The following PLXNB2 variants were observed in gnomAD, a reference collection of about 807,000 sequenced individuals.
PLXNB2 encodes the protein plexin B2.
Under a neutral mutation model 202.6 loss-of-function variants are expected in PLXNB2, and 85 were observed. The observed-to-expected ratio is 0.42, with a 90% CI of 0.35 to 0.50. The LOEUF (loss-of-function observed/expected upper bound fraction) is 0.50, where lower values mean the gene tolerates loss of function less well. Among genes scored for constraint, PLXNB2 ranks in the 20% least tolerant of loss-of-function variants. PLXNB2 has a pLI of 0.02. For missense variants in PLXNB2, 2,063 were observed against 2,586.2 expected, an observed-to-expected ratio of 0.80 and a Z score of 4.39; for synonymous variants, 1,239 against 1,137.6, an observed-to-expected ratio of 1.09 and a Z score of -1.79.
In PLXNB2 at chr22:50,276,694, C is replaced by T. The variant is rs887763291; in HGVS notation, c.5272G>A (p.Gly1758Arg). 9.9e-6 allele frequency: 16 copies of T among 1,613,596 alleles called. No homozygotes were observed. The highest frequency in any genetic ancestry group is 1.4e-5 in the Non-Finnish European group (16 of 1,179,824). ...CTGACCTGCACCATCTGCCGGATCC[C>T]CTTGTAGTAACTGCAGGGGTGGGAG... ...YKKMVEDYYK[G>R]IRQMVQVSDQ... Residue 1758 changes from glycine (G) to arginine (R), a missense_variant, in exon 35 of 37, where the codon GGG becomes AGG. Around this residue, in one of 2 missense-constraint regions of PLXNB2, gnomAD observed 760 missense variants for 1,109.4 expected, o/e 0.69. Transcript: ENST00000359337.
chr22:50,289,010 T>C lies in PLXNB2; in HGVS notation c.1201A>G (p.Asn401Asp), dbSNP rs372964527. 9 of 1,610,134 alleles carry C rather than the reference T, an allele frequency of 5.6e-6. No homozygotes were observed. In the African/African-American group the frequency reaches 1.2e-4, roughly 22 times the overall value. Reference protein sequence around the residue: ...NLTAVTVAAENNHTVAFLGTS... With the variant: ...NLTAVTVAAEDNHTVAFLGTS... The stretch of plus-strand genomic sequence containing the variant: ...CCCAGAAAAGCAACAGTGTGGTTGT[T>C]CTCGGCGGCGACCGTCACGGCCGTG... The change falls in exon 4 of 37, where the codon AAC becomes GAC. Residue 401 changes from asparagine to aspartate, a missense_variant. Around this residue, in one of 2 missense-constraint regions of PLXNB2, gnomAD observed 1,303 missense variants for 1,476.8 expected, o/e 0.88. Coordinates refer to ENST00000359337, the MANE Select transcript of PLXNB2 (RefSeq NM_012401.4). The surrounding 1 kb of genome is among the most constrained non-coding windows in gnomAD (Gnocchi z 8.0).
Position 50,284,312 on chromosome 22 carries a change from C to A in PLXNB2, c.2182-99G>T. On this transcript the variant is annotated intron_variant, in intron 12 of 36. Coordinates refer to ENST00000359337, the MANE Select transcript of PLXNB2 (RefSeq NM_012401.4). The surrounding 1 kb of genome is among the most constrained non-coding windows in gnomAD (Gnocchi z 8.0). ...CCTCCCTGTGGCCACCGGGTCCCTT[C>A]CCAGCCAAGGGCAGCAGGGGAGGCC... 1 of 1,168,000 alleles carries A rather than the reference C, an allele frequency of 8.6e-7. No individual in the cohort carries two copies. Among genetic ancestry groups the A allele is most frequent in the Non-Finnish European group, 1.3e-6 (1 of 785,270 alleles). The allele number at this position is 1,168,000 out of a possible 1,614,324, so 72.4% of individuals were successfully genotyped here.
rs766516184 is a variant in PLXNB2, at chr22:50,290,215, C to A, written c.370G>T (p.Ala124Ser). 124 of 1,612,066 alleles carry A rather than the reference C, an allele frequency of 7.7e-5. No individual in the cohort carries two copies. The highest frequency in any genetic ancestry group is 9.8e-5 in the Non-Finnish European group (116 of 1,180,026). ...SLFKGICALR[A>S]LSNISLRLFY... ...AGGCGGAGGGAGATGTTGCTCAGGG[C>A]GCGCAGAGCGCAGATGCCCTTGAAG... The change falls in exon 3 of 37, where the codon GCC (alanine) becomes TCC (serine). Residue 124 changes from alanine to serine, a missense_variant. Physicochemically the swap from Ala to Ser is moderately conservative, Grantham distance 99. Transcript: ENST00000359337.
At position 50,282,330 on chromosome 22, in the gene PLXNB2, C is replaced by G. The variant is rs1264683741; in HGVS notation, c.2988-17G>C. ...CGGCCACCACTGCGGAGGGCAGTGC[C>G]TTCGTGGGCTCGGCTGGCAGGGGTG... On this transcript the variant is annotated splice_polypyrimidine_tract_variant and intron_variant, in intron 18 of 36. Coordinates refer to ENST00000359337, the MANE Select transcript of PLXNB2 (RefSeq NM_012401.4). The G allele has an allele frequency of 6.3e-7, 1 of 1,579,252 alleles. No homozygotes were observed. The highest frequency in any genetic ancestry group is 8.6e-7 in the Non-Finnish European group (1 of 1,162,008).
chr22:50,282,951 C>A, intron 17 of PLXNB2, 70 bp from the exon 18 acceptor site: 1 of 1,554,396 alleles, frequency 6.4e-7, no homozygotes, highest in South Asian at 1.2e-5. Context: ...ACCAGGCTGG[C>A]CCCGCCATCC....
rs564059642 is a variant in PLXNB2 at position 50,287,421 on chromosome 22, C to A, written c.1609-157G>T. Among the ~76,000 whole-genome samples, 195 of 152,262 alleles carry A rather than the reference C, an allele frequency of 1.3e-3. 1 individual carries two copies. Among genetic ancestry groups the A allele is most frequent in the African/African-American group, 4.5e-3 (186 of 41,548 alleles). On this transcript the variant is annotated intron_variant, in intron 7 of 36. Transcript: ENST00000359337. ...AATACAGGCCTCTCTGTGGTCACCC[C>A]AGCAACTCCTGGGACAGGGCCTGAG... is the stretch of plus-strand genomic sequence containing the variant.
intron 8 of PLXNB2, among the ~76,000 whole-genome samples, chr22:50,286,895 C>T (rs1264239896): frequency 1.3e-5 from 2 of 152,186 alleles, no homozygotes; most frequent in Non-Finnish European, 2.9e-5. Flanking sequence ...TGCTACAGGC[C>T]TGGGGGGCGT....
rs999169653 is a variant in PLXNB2 at position 50,290,745 on chromosome 22, G to C, written c.-13-148C>G. On this transcript the variant is annotated intron_variant, in intron 2 of 36. Transcript: ENST00000359337. ...GGAACCTGGAGCTCCGCCCCTTCCT[G>C]CTTCACACCCCCGCCATCCTCGAGG... 3.5e-6 allele frequency: 3 copies of C among 852,930 alleles called. No individual in the cohort carries two copies. The African/African-American group carries it at 5.1e-5, about 15-fold the overall frequency. The allele number at this position is 852,930 out of a possible 1,614,324, so 52.8% of individuals were successfully genotyped here. A position where few individuals can be genotyped will look rare whatever the true frequency, so the allele number is the denominator to read the frequency against.
Position 50,275,222 on chromosome 22 carries a change from C to T in PLXNB2, c.*482G>A, listed in dbSNP as rs999754655. The T allele has an allele frequency of 9.6e-5, 33 of 342,144 alleles. No homozygotes were observed. Among genetic ancestry groups the T allele is most frequent in the Admixed American group, 3.6e-4 (9 of 25,080 alleles). 21.2% of individuals were successfully genotyped at this position (342,144 alleles called of 1,614,324 possible). ...AGAGTGCCGGCACCCTTGGGGAGGC[C>T]GGTGAGGTCAGGAAGGCATCGTACC... is the stretch of plus-strand genomic sequence containing the variant. On this transcript the variant is annotated 3_prime_UTR_variant, in exon 37 of 37. Coordinates refer to ENST00000359337, the MANE Select transcript of PLXNB2 (RefSeq NM_012401.4).
In PLXNB2 at chr22:50,284,976, C is replaced by T. The variant is rs749591028; in HGVS notation, c.2089-311G>A. 8.7e-5 allele frequency: 44 copies of T among 503,444 alleles called. No individual in the cohort carries two copies. The Middle Eastern group carries it at 1.2e-3, about 14-fold the overall frequency. The allele number at this position is 503,444 out of a possible 1,614,324, so 31.2% of individuals were successfully genotyped here. A position where few individuals can be genotyped will look rare whatever the true frequency, so the allele number is the denominator to read the frequency against. On this transcript the variant is annotated intron_variant, in intron 11 of 36. Coordinates refer to ENST00000359337, the MANE Select transcript of PLXNB2 (RefSeq NM_012401.4). The surrounding 1 kb of genome is among the most constrained non-coding windows in gnomAD (Gnocchi z 8.0). ...CCACAGCTCCCTCCTCAGGAGGTGG[C>T]ACTGGCCCCTCAATCTCCACACGCC...
chr22:50,296,542 A>G (rs547227382), intron 1 of PLXNB2, among the ~76,000 whole-genome samples: 40 of 144,562 alleles, frequency 2.8e-4, no homozygotes, highest in African/African-American at 9.7e-4. Context: ...CAGAGAGCTG[A>G]GATCACACCA....
chr22:50,300,426 G>T, intron 1 of PLXNB2: 1 of 573,780 alleles, frequency 1.7e-6, no homozygotes, highest in Non-Finnish European at 2.2e-6. Context: ...CGGCCCAGCT[G>T]CCAATCATGC....
chr22:50,278,058 TG>T (rs751238942), intron 31 of PLXNB2, 45 bp from the exon 32 acceptor site: 14 of 1,409,812 alleles, frequency 9.9e-6, no homozygotes, highest in East Asian at 2.8e-5. Context: ...GCGCGGCTCC[TG>T]GGGGGGAGGG....
chr22:50,306,974 G>A (rs1331481339), intron 1 of PLXNB2, among the ~76,000 whole-genome samples: 2 of 152,192 alleles, frequency 1.3e-5, no homozygotes, highest in Non-Finnish European at 2.9e-5. Flanking sequence ...GTCAGCAGGG[G>A]ACAGGCAGGG....
At chr22:50,299,025 C>T in intron 1 of PLXNB2, among the ~76,000 whole-genome samples, 1 of 152,182 alleles carries the variant, frequency 6.6e-6, no homozygotes, top group South Asian at 2.1e-4. Context: ...AGCTTGGGGG[C>T]TGCTCTTGGC....
At chr22:50,280,416 C>G in intron 25 of PLXNB2, 73 bp downstream of exon 25, 1 of 1,424,086 alleles carries the variant, frequency 7.0e-7, no homozygotes, top group Non-Finnish European at 9.4e-7. Flanking sequence ...GCCGCTGTGC[C>G]ACCCGCCACC....
chr22:50,284,671 G>T lies in PLXNB2; in HGVS notation c.2089-6C>A. On this transcript the variant is annotated splice_polypyrimidine_tract_variant and splice_region_variant and intron_variant, in intron 11 of 36. Transcript: ENST00000359337. The surrounding 1 kb of genome is among the most constrained non-coding windows in gnomAD (Gnocchi z 8.0). Reference sequence around the variant, plus strand: ...CCCACGTGCAGGGAGGAACCCTGCAGACCATGCCGTCAGGACCCTGGACAG... The same window carrying T: ...CCCACGTGCAGGGAGGAACCCTGCATACCATGCCGTCAGGACCCTGGACAG... The T allele has an allele frequency of 6.2e-7, 1 of 1,608,194 alleles. No individual in the cohort carries two copies. The highest frequency in any genetic ancestry group is 1.1e-5 in the South Asian group (1 of 90,928).
At position 50,283,865 on chromosome 22, in the gene PLXNB2, T is replaced by C. The variant is rs1476547887; in HGVS notation, c.2389A>G (p.Thr797Ala). The change falls in exon 14 of 37, where the codon ACC (threonine) becomes GCC (alanine). Residue 797 changes from threonine to alanine, a missense_variant. Physicochemically the swap from Thr to Ala is moderately conservative, Grantham distance 58 (BLOSUM62 0). Coordinates refer to ENST00000359337, the MANE Select transcript of PLXNB2 (RefSeq NM_012401.4). ...RCVYEALCNT[T>A]SECPPPVITR... ...ATGACGGGCGGCGGGCACTCGGAGG[T>C]GGTGTTGCACAGGGCCTCATACACG... 8.1e-6 allele frequency: 13 copies of C among 1,607,334 alleles called. No homozygotes were observed. The highest frequency in any genetic ancestry group is 1.0e-5 in the Non-Finnish European group (12 of 1,176,978).
At chr22:50,296,581 ACT>A (rs1393714009) in intron 1 of PLXNB2, among the ~76,000 whole-genome samples, 1 of 128,496 alleles carries the variant, frequency 7.8e-6, no homozygotes, top group Admixed American at 8.3e-5. Context: ...AAAGAGCAAG[ACT>A]CTGTCTCAAA....
Sources: gnomAD v4.1 joint callset for allele counts (sites outside exome capture counted in the v4.1 genomes callset) on GRCh38, gnomAD v4.1.1 for gene constraint, gnomAD v4.1.1 regional missense constraint, Gnocchi (gnomAD v3.1) non-coding constraint, MANE v1.5 for transcripts, NCBI Gene and HGNC (gene_info 2026-07-23, HGNC 2026-07-21) for gene names.